The following EYS variants were observed in gnomAD, a reference collection of about 807,000 sequenced individuals.
EYS encodes the protein EGF-like photoreceptor maintenance factor.
In EYS, 250 loss-of-function variants were observed where a neutral mutation model predicts 282.1. The observed-to-expected ratio is 0.89, with a 90% CI of 0.80 to 0.98. The LOEUF (loss-of-function observed/expected upper bound fraction) is 0.98. EYS is among the 50% of genes least tolerant of loss of function. The pLI, the probability that EYS is intolerant of heterozygous loss-of-function variation, is 0.00. For synonymous variants in EYS, 1,355 were observed against 1,282.9 expected, an observed-to-expected ratio of 1.06 and a Z score of -1.20; for missense variants, 4,016 against 3,709.0, an observed-to-expected ratio of 1.08 and a Z score of -2.15.
chr6:64,820,408 A>G (rs1219051240), intron 21 of EYS, among the ~76,000 whole-genome samples: 1 of 152,106 alleles, frequency 6.6e-6, no homozygotes, highest in Non-Finnish European at 1.5e-5. Flanking sequence ...TGATATTTGT[A>G]CTATTAAGAA....
intron 5 of EYS, among the ~76,000 whole-genome samples, chr6:65,474,932 C>A (rs1765343049): frequency 6.6e-6 from 1 of 151,944 alleles, no homozygotes; most frequent in Non-Finnish European, 1.5e-5. Flanking sequence ...ATGTAAAAAA[C>A]AGAGAGACTT....
chr6:64,020,130 G>A (rs1769116917), intron 33 of EYS, among the ~76,000 whole-genome samples: 1 of 151,984 alleles, frequency 6.6e-6, no homozygotes, highest in East Asian at 1.9e-4. Context: ...TAGGTAGAAG[G>A]AATGAATTCT....
At chr6:64,107,057 T>C (rs1773038765) in intron 31 of EYS, among the ~76,000 whole-genome samples, 1 of 151,224 alleles carries the variant, frequency 6.6e-6, no homozygotes, top group Non-Finnish European at 1.5e-5. Context: ...ACATTATTAC[T>C]ACTATCTGTT....
chr6:64,672,684 T>C (rs1583024152), intron 22 of EYS, among the ~76,000 whole-genome samples: 1 of 152,194 alleles, frequency 6.6e-6, no homozygotes, highest in East Asian at 1.9e-4. Flanking sequence ...AATCGTTTCC[T>C]GAAGCTTATG....
intron 22 of EYS, among the ~76,000 whole-genome samples, chr6:64,678,968 TA>T (rs1365366145): frequency 2.7e-5 from 4 of 148,324 alleles, no homozygotes; most frequent in Non-Finnish European, 4.4e-5. Flanking sequence ...GCCTTGGCGA[TA>T]GAGACTCCCT....
At chr6:63,750,328 T>C (rs1330366719) in intron 41 of EYS, among the ~76,000 whole-genome samples, 1 of 152,188 alleles carries the variant, frequency 6.6e-6, no homozygotes, top group Non-Finnish European at 1.5e-5. Flanking sequence ...GTATGCCTTG[T>C]AATTTTTTGC....
intron 14 of EYS, among the ~76,000 whole-genome samples, chr6:64,995,147 A>T (rs1771207520): frequency 6.6e-6 from 1 of 152,160 alleles, no homozygotes; most frequent in Non-Finnish European, 1.5e-5. Flanking sequence ...AAGGTCAGTT[A>T]TGCAGGTGCT....
At chr6:63,995,659 AG>A (rs796520442) in intron 34 of EYS, among the ~76,000 whole-genome samples, 1 of 152,080 alleles carries the variant, frequency 6.6e-6, no homozygotes, top group African/African-American at 2.4e-5. Flanking sequence ...TTCAAAAGAT[AG>A]AAACAACATA....
At chr6:65,458,908 T>C (rs1468073742) in intron 5 of EYS, among the ~76,000 whole-genome samples, 1 of 152,074 alleles carries the variant, frequency 6.6e-6, no homozygotes, top group Non-Finnish European at 1.5e-5. Context: ...ATAGCATATA[T>C]ATATTTATAG....
At chr6:65,423,091 G>A (rs745355640) in intron 5 of EYS, among the ~76,000 whole-genome samples, 1 of 151,796 alleles carries the variant, frequency 6.6e-6, no homozygotes, top group Non-Finnish European at 1.5e-5. Context: ...AAAGAGAATA[G>A]AGAATATACT....
At chr6:65,361,565 C>T (rs1764711523) in intron 8 of EYS, among the ~76,000 whole-genome samples, 1 of 151,330 alleles carries the variant, frequency 6.6e-6, no homozygotes, top group Non-Finnish European at 1.5e-5. Flanking sequence ...ACTGCAACAA[C>T]CTCCACCTCC....
At chr6:64,647,649 G>T (rs1768402275) in intron 22 of EYS, among the ~76,000 whole-genome samples, 1 of 151,910 alleles carries the variant, frequency 6.6e-6, no homozygotes, top group South Asian at 2.1e-4. Context: ...TTCTGATAAT[G>T]AACATACATT....
intron 41 of EYS, among the ~76,000 whole-genome samples, chr6:63,740,330 C>T (rs1251519979): frequency 6.6e-6 from 1 of 152,184 alleles, no homozygotes; most frequent in Non-Finnish European, 1.5e-5. Flanking sequence ...AAGCTCTCTT[C>T]TCTTTGCTTG....
intron 18 of EYS, among the ~76,000 whole-genome samples, chr6:64,900,040 C>T (rs972885678): frequency 6.6e-6 from 1 of 151,998 alleles, no homozygotes; most frequent in African/African-American, 2.4e-5. Context: ...GATATATAGA[C>T]CAATGGAACA....
intron 12 of EYS, among the ~76,000 whole-genome samples, chr6:65,259,054 G>T (rs1437487873): frequency 6.6e-6 from 1 of 151,998 alleles, no homozygotes; most frequent in Non-Finnish European, 1.5e-5. Flanking sequence ...GATTAAGAAT[G>T]ATTACAGAAA....
intron 22 of EYS, among the ~76,000 whole-genome samples, chr6:64,743,003 C>T (rs1471116598): frequency 6.6e-6 from 1 of 152,070 alleles, no homozygotes; most frequent in Non-Finnish European, 1.5e-5. Context: ...TCTCTTTCCT[C>T]CCATACTGTG....
At chr6:63,841,024 A>G (rs1771942807) in intron 36 of EYS, among the ~76,000 whole-genome samples, 1 of 152,216 alleles carries the variant, frequency 6.6e-6, no homozygotes, top group Non-Finnish European at 1.5e-5. Context: ...CAACTTAAAC[A>G]GATAATTTCT....
intron 23 of EYS, among the ~76,000 whole-genome samples, chr6:64,624,127 G>T (rs1055901073): frequency 6.6e-5 from 10 of 152,078 alleles, no homozygotes; most frequent in African/African-American, 2.4e-4. Flanking sequence ...TTTGAATAAC[G>T]CCTAGCAATA....
chr6:64,475,145 C>T (rs1485912232), intron 26 of EYS, among the ~76,000 whole-genome samples: 2 of 152,178 alleles, frequency 1.3e-5, no homozygotes, highest in African/African-American at 2.4e-5. Context: ...AACTCTTTCC[C>T]AATGTCTCTC....
Sources: gnomAD v4.1 joint callset for allele counts (sites outside exome capture counted in the v4.1 genomes callset) on GRCh38, gnomAD v4.1.1 for gene constraint, MANE v1.5 for transcripts, NCBI Gene and HGNC (gene_info 2026-07-23, HGNC 2026-07-21) for gene names.